CD2AP: variants seen among roughly 807,000 people sequenced by gnomAD.
CD2AP encodes CD2-associated protein.
CD2AP carries 46 observed loss-of-function variants against 85.1 expected under a neutral mutation model. The observed-to-expected ratio is 0.54, with a 90% CI of 0.43 to 0.69. CD2AP has a LOEUF of 0.69. CD2AP is among the 30% of genes least tolerant of loss of function. The pLI is 0.00. For missense variants in CD2AP, 769 were observed against 729.5 expected, an observed-to-expected ratio of 1.05 and a Z score of -0.62; for synonymous variants, 255 against 252.9, an observed-to-expected ratio of 1.01 and a Z score of -0.08.
At chr6:47,497,147 G>GTT (rs202187543) in intron 1 of CD2AP, among the ~76,000 whole-genome samples, 5 of 148,732 alleles carry the variant, frequency 3.4e-5, no homozygotes, top group African/African-American at 4.9e-5. Flanking sequence ...ACCATGTCGT[G>GTT]TTTTTTTTTT....
rs575094498 is a variant in CD2AP, at chr6:47,597,290, T to G, written c.1274+1264T>G. ...GGAGGCTTATAGGTAGAAGGCCCTC[T>G]CCTGCCACCCAGACAAGTTGGATAA... On this transcript the variant is annotated intron_variant, in intron 12 of 17. Transcript: ENST00000359314. 1.9e-3 allele frequency among the ~76,000 whole-genome samples: 282 copies of G among 150,912 alleles called. 4 individuals carry two copies. Among genetic ancestry groups the G allele is most frequent in the African/African-American group, 6.5e-3 (268 of 41,402 alleles).
intron 3 of CD2AP, among the ~76,000 whole-genome samples, chr6:47,535,118 A>G (rs1028677292): frequency 3.3e-5 from 5 of 152,080 alleles, no homozygotes; most frequent in African/African-American, 1.2e-4. Flanking sequence ...ACTTATTACT[A>G]TGGTCAATTT....
intron 2 of CD2AP, among the ~76,000 whole-genome samples, chr6:47,509,385 A>G (rs566406485): frequency 3.6e-4 from 55 of 152,294 alleles, no homozygotes; most frequent in African/African-American, 1.3e-3. Context: ...GCCGTTGGAA[A>G]AATGGCATTG....
At chr6:47,510,464 G>A (rs1766282322) in intron 2 of CD2AP, among the ~76,000 whole-genome samples, 1 of 152,128 alleles carries the variant, frequency 6.6e-6, no homozygotes, top group South Asian at 2.1e-4. Context: ...GCGTGTTGTG[G>A]TGGCAGAAAA....
At chr6:47,553,438 C>G (rs573192904) in intron 4 of CD2AP, among the ~76,000 whole-genome samples, 59 of 151,400 alleles carry the variant, frequency 3.9e-4, no homozygotes, top group African/African-American at 1.3e-3. Flanking sequence ...CCTCCGCTTC[C>G]CAGGTTCAAC....
chr6:47,604,209 C>T (rs1207597601), intron 13 of CD2AP, among the ~76,000 whole-genome samples: 3 of 152,000 alleles, frequency 2.0e-5, no homozygotes, highest in Non-Finnish European at 4.4e-5. Flanking sequence ...TGTTATGCCA[C>T]GTGTACAGTG....
At chr6:47,507,604 C>T (rs560946363) in intron 2 of CD2AP, among the ~76,000 whole-genome samples, 2 of 152,266 alleles carry the variant, frequency 1.3e-5, no homozygotes, top group African/African-American at 4.8e-5. Flanking sequence ...CACCACCACG[C>T]CCAGCTAATT....
intron 11 of CD2AP, among the ~76,000 whole-genome samples, chr6:47,583,316 T>G (rs1045346895): frequency 6.6e-6 from 1 of 152,202 alleles, no homozygotes; most frequent in African/African-American, 2.4e-5. Flanking sequence ...CTCCTAGTGT[T>G]GTAACTATTA....
intron 3 of CD2AP, among the ~76,000 whole-genome samples, chr6:47,534,483 G>A (rs1369986464): frequency 6.6e-6 from 1 of 152,132 alleles, no homozygotes; most frequent in African/African-American, 2.4e-5. Flanking sequence ...TAGGTAGGTG[G>A]ATCACCTGAG....
chr6:47,606,392 A>G, intron 14 of CD2AP, 115 bp downstream of exon 14: 1 of 712,220 alleles, frequency 1.4e-6, no homozygotes, highest in Non-Finnish European at 2.6e-6. Context: ...TAGCTCTTAT[A>G]CTCAAGTGGC....
At chr6:47,556,638 T>C (rs572522042) in intron 5 of CD2AP, among the ~76,000 whole-genome samples, 2 of 151,960 alleles carry the variant, frequency 1.3e-5, no homozygotes. Flanking sequence ...CGGGAGCCAC[T>C]GTGCCCAGCT....
At chr6:47,510,944 G>A (rs1448254674) in intron 2 of CD2AP, among the ~76,000 whole-genome samples, 1 of 151,902 alleles carries the variant, frequency 6.6e-6, no homozygotes, top group Non-Finnish European at 1.5e-5. Flanking sequence ...ATGGTGGCGT[G>A]CGCCTGTAGT....
At chr6:47,611,995 A>G (rs1447468516) in intron 16 of CD2AP, among the ~76,000 whole-genome samples, 1 of 152,102 alleles carries the variant, frequency 6.6e-6, no homozygotes, top group Non-Finnish European at 1.5e-5. Context: ...TATTGGCTAG[A>G]GTTTTTAATT....
intron 5 of CD2AP, among the ~76,000 whole-genome samples, chr6:47,557,783 G>A (rs537657608): frequency 3.3e-5 from 5 of 152,196 alleles, no homozygotes; most frequent in African/African-American, 1.2e-4. Context: ...TGTTCTTTTT[G>A]CTTAGGATTG....
intron 2 of CD2AP, among the ~76,000 whole-genome samples, chr6:47,524,227 G>T (rs995619680): frequency 6.6e-6 from 1 of 152,064 alleles, no homozygotes. Context: ...GTAGAAATAA[G>T]GTAAACCAGG....
At chr6:47,532,359 GTA>G (rs1310774375) in intron 2 of CD2AP, among the ~76,000 whole-genome samples, 7 of 129,954 alleles carry the variant, frequency 5.4e-5, no homozygotes, top group Non-Finnish European at 1.1e-4. Flanking sequence ...AAAAAAAAAA[GTA>G]TATATATATA....
intron 2 of CD2AP, among the ~76,000 whole-genome samples, chr6:47,504,314 TG>T (rs1352222425): frequency 6.6e-6 from 1 of 152,232 alleles, no homozygotes; most frequent in Admixed American, 6.5e-5. Flanking sequence ...GGACAGTAGT[TG>T]TTAGCAGAAT....
chr6:47,576,394 T>C lies in CD2AP; in HGVS notation c.730-130T>C, dbSNP rs1397507369. 5.7e-6 allele frequency: 4 copies of C among 706,980 alleles called. No individual in the cohort carries two copies. The Admixed American group carries it at 8.4e-5, about 15-fold the overall frequency. The allele number at this position is 706,980 out of a possible 1,614,324, so 43.8% of individuals were successfully genotyped here. ...CCTTTACCTGTTTCATTGCTAAGTT[T>C]TCAGTCACATTACTATCCTAGCTAT... is the stretch of plus-strand genomic sequence containing the variant. On this transcript the variant is annotated intron_variant, in intron 6 of 17. Transcript: ENST00000359314.
chr6:47,599,284 T>A lies in CD2AP; in HGVS notation c.1275-17T>A. 6.2e-7 allele frequency: 1 copy of A among 1,609,478 alleles called. No individual in the cohort carries two copies. Among genetic ancestry groups the A allele is most frequent in the East Asian group, 2.2e-5 (1 of 44,726 alleles). On this transcript the variant is annotated splice_polypyrimidine_tract_variant and intron_variant, in intron 12 of 17. Coordinates refer to ENST00000359314, the MANE Select transcript of CD2AP (RefSeq NM_012120.3). ...GTTTCATACTAGTGATTTTTGCGTGTTTTTTTCTTATTTCAGGATTAATGG... is the reference window on the plus strand; with the variant it reads ...GTTTCATACTAGTGATTTTTGCGTGATTTTTTCTTATTTCAGGATTAATGG...
Sources: gnomAD v4.1 joint callset for allele counts (sites outside exome capture counted in the v4.1 genomes callset) on GRCh38, gnomAD v4.1.1 for gene constraint, MANE v1.5 for transcripts, NCBI Gene and HGNC (gene_info 2026-07-23, HGNC 2026-07-21) for gene names.